Variants in HADH observed in about 807,000 individuals in gnomAD.
HADH encodes hydroxyacyl-coenzyme A dehydrogenase, mitochondrial.
In HADH, 24 loss-of-function variants were observed where a neutral mutation model predicts 32.2. The ratio of observed to expected loss-of-function variants is 0.75; its 90% CI spans 0.54 to 1.05. HADH has a LOEUF of 1.05. HADH is among the 50% of genes least tolerant of loss of function. The pLI is 0.00. For missense variants in HADH, 350 were observed against 397.1 expected, an observed-to-expected ratio of 0.88 and a Z score of 1.01; for synonymous variants, 139 against 152.5, an observed-to-expected ratio of 0.91 and a Z score of 0.65.
intron 1 of HADH, among the ~76,000 whole-genome samples, chr4:108,007,567 C>CCA (rs1254800941): frequency 1.3e-5 from 2 of 152,136 alleles, no homozygotes; most frequent in African/African-American, 2.4e-5. Flanking sequence ...CTTAAGAGTA[C>CCA]CATAGCCTGT....
chr4:108,008,715 T>G (rs1735371719), intron 1 of HADH, among the ~76,000 whole-genome samples: 1 of 152,166 alleles, frequency 6.6e-6, no homozygotes, highest in South Asian at 2.1e-4. Context: ...AAGCAATGGT[T>G]TTGCAGGGGG....
At chr4:108,002,177 T>C (rs1735138447) in intron 1 of HADH, among the ~76,000 whole-genome samples, 1 of 152,176 alleles carries the variant, frequency 6.6e-6, no homozygotes, top group Admixed American at 6.5e-5. Context: ...GGTCCCCAAC[T>C]TCTGGTCCGT....
chr4:108,004,807 C>A, intron 1 of HADH: 1 of 1,535,924 alleles, frequency 6.5e-7, no homozygotes, highest in South Asian at 1.2e-5. Context: ...TACTACACTT[C>A]AAGACCTGGG....
chr4:107,997,617 G>A (rs1734995365), intron 1 of HADH, among the ~76,000 whole-genome samples: 1 of 151,944 alleles, frequency 6.6e-6, no homozygotes, highest in Non-Finnish European at 1.5e-5. Flanking sequence ...CTTCCACCAG[G>A]CCTAGAAAAG....
intron 2 of HADH, 134 bp downstream of exon 2, chr4:108,010,021 T>C: frequency 1.5e-6 from 1 of 685,022 alleles, no homozygotes. Context: ...AACTCATTTT[T>C]CCATAACTTT....
Position 108,034,440 on chromosome 4 carries a change from G to T in HADH, c.*83G>T. 1 of 806,976 alleles carries T rather than the reference G, an allele frequency of 1.2e-6. No individual in the cohort carries two copies. The highest frequency in any genetic ancestry group is 1.7e-5 in the Admixed American group (1 of 58,916). 50.0% of individuals were successfully genotyped at this position (806,976 alleles called of 1,614,324 possible). A position where few individuals can be genotyped will look rare whatever the true frequency, so the allele number is the denominator to read the frequency against. ...CGAGTGCCTGTGGGAATGCTCTTTG[G>T]TCAGACATTCCCTCACACAGTACAG... On this transcript the variant is annotated 3_prime_UTR_variant, in exon 8 of 8. Transcript: ENST00000309522.
At chr4:108,006,850 A>G (rs368496222) in intron 1 of HADH, among the ~76,000 whole-genome samples, 1 of 152,204 alleles carries the variant, frequency 6.6e-6, no homozygotes, top group East Asian at 1.9e-4. Context: ...ATTTGATTGA[A>G]GCTGAAGGAT....
intron 1 of HADH, among the ~76,000 whole-genome samples, chr4:107,998,115 A>G (rs1735010056): frequency 1.3e-5 from 2 of 152,162 alleles, no homozygotes; most frequent in African/African-American, 4.8e-5. Context: ...GTGTACAAAG[A>G]TGAATGACAT....
At chr4:108,009,709 G>T (rs549620245) in intron 1 of HADH, 50 bp from the exon 2 acceptor site, 51 of 1,586,720 alleles carry the variant, frequency 3.2e-5, no homozygotes, top group Non-Finnish European at 4.3e-5. Flanking sequence ...GTGCGCGTGC[G>T]TGTTATGTTT....
At chr4:108,004,716 GAAGA>G in intron 1 of HADH, 3 of 1,531,464 alleles carry the variant, frequency 2.0e-6, no homozygotes, top group African/African-American at 2.7e-5. Context: ...AGAAAGGAAT[GAAGA>G]GAGAAGTTAG....
intron 4 of HADH, among the ~76,000 whole-genome samples, chr4:108,022,617 C>G (rs1182853871): frequency 6.6e-6 from 1 of 152,190 alleles, no homozygotes; most frequent in African/African-American, 2.4e-5. Flanking sequence ...AAATTACTCA[C>G]TTTCCTGGGG....
chr4:108,018,724 A>G (rs1000130912), intron 3 of HADH, among the ~76,000 whole-genome samples: 1 of 151,954 alleles, frequency 6.6e-6, no homozygotes, highest in Non-Finnish European at 1.5e-5. Context: ...GTTACAGTCC[A>G]TCTTGGTTGG....
intron 2 of HADH, among the ~76,000 whole-genome samples, chr4:108,012,071 T>A (rs909710940): frequency 6.6e-5 from 10 of 150,950 alleles, no homozygotes; most frequent in Admixed American, 1.3e-4. Flanking sequence ...AAAAAAAAAA[T>A]TTTTTTTTAG....
At chr4:108,028,207 TTTA>T (rs1231974443) in intron 6 of HADH, 1 of 236,294 alleles carries the variant, frequency 4.2e-6, no homozygotes, top group Admixed American at 5.1e-5. Context: ...AAGGACAGTT[TTTA>T]GTAGTCTGTC....
chr4:107,990,036 G>A lies in HADH; in HGVS notation c.104G>A (p.Gly35Asp), dbSNP rs1734726527. ...IIVKHVTVIG[G>D]GLMGAGIAQV... The stretch of plus-strand genomic sequence containing the variant: ...GTCAAGCACGTGACGGTCATCGGCG[G>A]CGGGCTGATGGGCGCCGGCATTGCC... Residue 35 changes from glycine to aspartate, a missense_variant, in exon 1 of 8, where the codon GGC (glycine) becomes GAC (aspartate). Gly to Asp is a moderately conservative substitution (Grantham distance 94, BLOSUM62 -1). Transcript: ENST00000309522. The A allele has an allele frequency of 6.2e-7, 1 of 1,611,056 alleles. No individual in the cohort carries two copies. Among genetic ancestry groups the A allele is most frequent in the South Asian group, 1.1e-5 (1 of 90,550 alleles).
chr4:108,032,773 G>T, intron 6 of HADH: 1 of 328,440 alleles, frequency 3.0e-6, no homozygotes, highest in South Asian at 3.1e-5. Flanking sequence ...ACTTGAGGTT[G>T]GGAGTTTGAG....
intron 4 of HADH, among the ~76,000 whole-genome samples, chr4:108,023,003 T>C (rs2126234204): frequency 6.6e-6 from 1 of 151,702 alleles, no homozygotes. Context: ...TCTTTTTTTT[T>C]TTTTTTTTGA....
chr4:108,014,423 T>C lies in HADH; in HGVS notation c.262-8T>C. The C allele has an allele frequency of 1.9e-6, 3 of 1,614,116 alleles. No individual in the cohort carries two copies. Among genetic ancestry groups the C allele is most frequent in the Non-Finnish European group, 2.5e-6 (3 of 1,179,982 alleles). On this transcript the variant is annotated splice_region_variant and splice_polypyrimidine_tract_variant and intron_variant, in intron 2 of 7. Transcript: ENST00000309522. ...GTGAATGTTCTCTTCTTCCTCCCAC[T>C]GCATTAGGCCGGCGATGAATTTGTG...
intron 1 of HADH, among the ~76,000 whole-genome samples, chr4:107,994,958 TTCAG>T (rs1174510524): frequency 1.3e-5 from 2 of 152,194 alleles, no homozygotes; most frequent in Non-Finnish European, 2.9e-5. Context: ...GAAATGGCAC[TTCAG>T]TCAGTCAGGT....
Sources: gnomAD v4.1 joint callset for allele counts (sites outside exome capture counted in the v4.1 genomes callset) on GRCh38, gnomAD v4.1.1 for gene constraint, MANE v1.5 for transcripts, NCBI Gene and HGNC (gene_info 2026-07-23, HGNC 2026-07-21) for gene names.